PAQR9: variants seen among roughly 807,000 people sequenced by gnomAD.
PAQR9 encodes the protein progestin and adipoQ receptor family member 9.
In PAQR9, 12 loss-of-function variants were observed where a neutral mutation model predicts 24.0. The ratio of observed to expected loss-of-function variants is 0.50; its 90% confidence interval spans 0.32 to 0.81. PAQR9 has a LOEUF of 0.81. PAQR9 is among the 30% of genes least tolerant of loss of function. PAQR9 has a pLI of 0.03. For synonymous variants in PAQR9, 266 were observed against 237.6 expected (o/e 1.12, Z -1.10); for missense variants, 418 against 520.8 (o/e 0.80, Z 1.92).
Position 142,958,700 on chromosome 3 carries a change from C to T in PAQR9, c.*3503G>A, listed in dbSNP as rs1934833352. On this transcript the variant is annotated 3_prime_UTR_variant, in exon 1 of 1. Transcript: ENST00000340634. Reference sequence around the variant, plus strand: ...TTTTTTGACTGCAAGCACTTACAAGCTGGATTTATGAATGGAAACATATGA... The same window carrying T: ...TTTTTTGACTGCAAGCACTTACAAGTTGGATTTATGAATGGAAACATATGA... Among the ~76,000 whole-genome samples the T allele has an allele frequency of 6.6e-6, 1 of 152,184 alleles. No individual in the cohort carries two copies.
chr3:142,955,570 T>C lies in PAQR9; in HGVS notation c.*6633A>G, dbSNP rs1015964341. ...ATGGGGCTTATTCTTCTTTCTATTCTGAAGAAACAAGGGACAGAGTTCCAG... is the reference window on the plus strand; with the variant it reads ...ATGGGGCTTATTCTTCTTTCTATTCCGAAGAAACAAGGGACAGAGTTCCAG... On this transcript the variant is annotated 3_prime_UTR_variant, in exon 1 of 1. Transcript: ENST00000340634. 1.3e-5 allele frequency among the ~76,000 whole-genome samples: 2 copies of C among 150,194 alleles called. No individual in the cohort carries two copies. The highest frequency in any genetic ancestry group is 6.7e-5 in the Admixed American group (1 of 15,036).
Position 142,963,477 on chromosome 3 carries a change from C to T in PAQR9, c.-141G>A. On this transcript the variant is annotated 5_prime_UTR_variant, in exon 1 of 1. Transcript: ENST00000340634. ...TGCAGGTTTAGGAGAAGACCCGTGC[C>T]TCCGAGCAGCCGCTCCTAAAAATTA... The T allele has an allele frequency of 5.8e-6, 6 of 1,037,966 alleles. No individual in the cohort carries two copies. The highest frequency in any genetic ancestry group is 6.9e-6 in the Non-Finnish European group (6 of 866,586). 64.3% of individuals were successfully genotyped at this position (1,037,966 alleles called of 1,614,324 possible). A position where few individuals can be genotyped will look rare whatever the true frequency, so the allele number is the denominator to read the frequency against.
chr3:142,963,648 T>G lies in PAQR9; in HGVS notation c.-312A>C. 1.6e-6 allele frequency: 1 copy of G among 631,472 alleles called. No individual in the cohort carries two copies. The highest frequency in any genetic ancestry group is 2.0e-6 in the Non-Finnish European group (1 of 508,876). 39.1% of individuals were successfully genotyped at this position (631,472 alleles called of 1,614,324 possible). A position where few individuals can be genotyped will look rare whatever the true frequency, so the allele number is the denominator to read the frequency against. ...CGGCAGCGGCGGCGGCGCGGCTGAC[T>G]GCGGCGGCAGCGCGGCAGCGGTGAC... is the stretch of plus-strand genomic sequence containing the variant. On this transcript the variant is annotated 5_prime_UTR_variant, in exon 1 of 1. Coordinates refer to ENST00000340634, the MANE Select transcript of PAQR9 (RefSeq NM_198504.4).
At chr3:142,953,614 C>G (rs181023903), downstream of PAQR9, among the ~76,000 whole-genome samples, 2 of 152,256 alleles carry the variant, frequency 1.3e-5, no homozygotes, top group African/African-American at 4.8e-5. Flanking sequence ...TGATCTTTGT[C>G]CACACACTCT....
Position 142,962,062 on chromosome 3 carries a change from G to T in PAQR9, c.*141C>A. On this transcript the variant is annotated 3_prime_UTR_variant, in exon 1 of 1. Coordinates refer to ENST00000340634, the MANE Select transcript of PAQR9 (RefSeq NM_198504.4). ...AGTGGGTTGGGATCCCTTTGTAGCAGTGAACTTTTTCCCTATGGTTTTGCA... is the reference window on the plus strand; with the variant it reads ...AGTGGGTTGGGATCCCTTTGTAGCATTGAACTTTTTCCCTATGGTTTTGCA... The T allele has an allele frequency of 9.7e-7, 1 of 1,035,738 alleles. No homozygotes were observed. The highest frequency in any genetic ancestry group is 1.4e-6 in the Non-Finnish European group (1 of 705,586). The allele number at this position is 1,035,738 out of a possible 1,614,324, so 64.2% of individuals were successfully genotyped here.
At chr3:142,949,489 T>G (rs1934686770) in exon 3 of PAQR9, 1 of 152,210 alleles carries the variant, frequency 6.6e-6, no homozygotes, top group South Asian at 2.1e-4. Flanking sequence ...CACATATATT[T>G]TTACAACTGC....
In PAQR9 at chr3:142,956,045, C is replaced by A. The variant is rs1483278023; in HGVS notation, c.*6158G>T. The stretch of plus-strand genomic sequence containing the variant: ...ACTTATGTGCTAAGGCCTGTTTTTA[C>A]AAACAAATGTCTATTAGAAACTTTA... On this transcript the variant is annotated 3_prime_UTR_variant, in exon 1 of 1. Transcript: ENST00000340634. Among the ~76,000 whole-genome samples the A allele has an allele frequency of 6.6e-6, 1 of 152,106 alleles. No homozygotes were observed. The highest frequency in any genetic ancestry group is 1.5e-5 in the Non-Finnish European group (1 of 68,008).
rs1934807319 is a variant in PAQR9, at chr3:142,957,438, T to C, written c.*4765A>G. 6.6e-6 allele frequency among the ~76,000 whole-genome samples: 1 copy of C among 152,222 alleles called. No individual in the cohort carries two copies. The highest frequency in any genetic ancestry group is 2.4e-5 in the African/African-American group (1 of 41,444). ...TTACCTCTGACACTTTTTAATGATT[T>C]CCTCCAGATTAATGTTTTCTAAGAC... On this transcript the variant is annotated 3_prime_UTR_variant, in exon 1 of 1. Transcript: ENST00000340634.
downstream of PAQR9, among the ~76,000 whole-genome samples, chr3:142,953,663 A>C (rs1313361726): frequency 6.6e-6 from 1 of 152,144 alleles, no homozygotes; most frequent in Non-Finnish European, 1.5e-5. Context: ...TGTGGACCAG[A>C]CAGCCAATGG....
chr3:142,963,799 G>A (rs1163455910), upstream of PAQR9: 20 of 984,542 alleles, frequency 2.0e-5, no homozygotes, highest in African/African-American at 3.0e-4. Context: ...CCCAGGCTAG[G>A]GTTTCGCGGC....
At position 142,962,895 on chromosome 3, in the gene PAQR9, GCA is replaced by G; in HGVS notation, c.440_441del (p.Leu147ProfsTer229). On this transcript the variant is annotated frameshift_variant, in exon 1 of 1. Transcript: ENST00000340634. LOFTEE classifies it high-confidence loss of function. ...AGGTAGAAGAAGGCGGCGCGCAGAC[GCA>G]GCGACAGGCAGCTGAACACGTGCGC... ...CTAHVFSCLS[L>X]RLRAAFFYLD... 6.2e-7 allele frequency: 1 copy of G among 1,613,718 alleles called. No homozygotes were observed.
chr3:142,963,228 GGTCCCGGGAGGCGGCAGAGTGGGA>G lies in PAQR9; in HGVS notation c.85_108del (p.Ser29_Asp36del). ...AGCAGCGGCTTGGCAGACGCTGGGG[GGTCCCGGGAGGCGGCAGAGTGGGA>G]GTTCCGGGCGGCCCCCGAAGCTGCC... On this transcript the variant is annotated inframe_deletion, in exon 1 of 1. Coordinates refer to ENST00000340634, the MANE Select transcript of PAQR9 (RefSeq NM_198504.4). The G allele has an allele frequency of 6.4e-7, 1 of 1,550,916 alleles. No homozygotes were observed. Among genetic ancestry groups the G allele is most frequent in the Non-Finnish European group, 8.7e-7 (1 of 1,148,188 alleles).
At position 142,956,814 on chromosome 3, in the gene PAQR9, C is replaced by A. The variant is rs1426792625; in HGVS notation, c.*5389G>T. ...ACAGTTATCCTTTTTTAAATGACAA[C>A]AACAGAAATTTATATTAGCTTTTGG... On this transcript the variant is annotated 3_prime_UTR_variant, in exon 1 of 1. Transcript: ENST00000340634. Among the ~76,000 whole-genome samples the A allele has an allele frequency of 6.6e-6, 1 of 152,134 alleles. No homozygotes were observed. Among genetic ancestry groups the A allele is most frequent in the Non-Finnish European group, 1.5e-5 (1 of 68,024 alleles).
chr3:142,960,589 A>G lies in PAQR9; in HGVS notation c.*1614T>C, dbSNP rs1219671220. Reference sequence around the variant, plus strand: ...CAAAACAAAACAAAAAAAACTCCCAATCAATGACTTATTTGGCTTCTAACA... The same window carrying G: ...CAAAACAAAACAAAAAAAACTCCCAGTCAATGACTTATTTGGCTTCTAACA... On this transcript the variant is annotated 3_prime_UTR_variant, in exon 1 of 1. Transcript: ENST00000340634. 1 of 152,248 alleles carries G rather than the reference A, an allele frequency of 6.6e-6. No homozygotes were observed. The highest frequency in any genetic ancestry group is 1.5e-5 in the Non-Finnish European group (1 of 68,072). The allele number at this position is 152,248 out of a possible 1,614,324, so 9.4% of individuals were successfully genotyped here. A position where few individuals can be genotyped will look rare whatever the true frequency, so the allele number is the denominator to read the frequency against.
At chr3:142,952,763 A>G (rs6782209), downstream of PAQR9, 1 of 456,498 alleles carries the variant, frequency 2.2e-6, no homozygotes, top group African/African-American at 2.0e-5. Context: ...AAAAAACAAG[A>G]AGAGTGGGGA....
chr3:142,963,751 G>A (rs1224398036), upstream of PAQR9: 4 of 923,246 alleles, frequency 4.3e-6, no homozygotes, highest in Non-Finnish European at 5.2e-6. Context: ...CCGAGGCGCG[G>A]AGGGAGGGAC....
chr3:142,952,081 G>A (rs1934724097), downstream of PAQR9, among the ~76,000 whole-genome samples: 1 of 151,958 alleles, frequency 6.6e-6, no homozygotes, highest in South Asian at 2.1e-4. Flanking sequence ...TGACATAGTG[G>A]GGAGAGGGTG....
At chr3:142,963,806 C>G, upstream of PAQR9, 1 of 985,000 alleles carries the variant, frequency 1.0e-6, no homozygotes, top group South Asian at 4.7e-5. Flanking sequence ...TAGGGTTTCG[C>G]GGCCGCTTCG....
upstream of PAQR9, chr3:142,963,700 C>T (rs1484698171): frequency 4.3e-6 from 3 of 698,818 alleles, no homozygotes; most frequent in South Asian, 6.4e-5. Flanking sequence ...CGGGTGCCTC[C>T]GCCGCCGCCG....
Sources: gnomAD v4.1 joint callset for allele counts (sites outside exome capture counted in the v4.1 genomes callset) on GRCh38, gnomAD v4.1.1 for gene constraint, MANE v1.5 for transcripts, NCBI Gene and HGNC (gene_info 2026-07-23, HGNC 2026-07-21) for gene names.